ACSM1: variants seen among roughly 807,000 people sequenced by gnomAD.
The protein encoded by ACSM1 is acyl-coenzyme A synthetase ACSM1, mitochondrial.
ACSM1 carries 79 observed loss-of-function variants against 75.8 expected under a neutral mutation model. The observed-to-expected ratio is 1.04, with a 90% CI of 0.87 to 1.26. The LOEUF (loss-of-function observed/expected upper bound fraction) is 1.26. Ranked by LOEUF, ACSM1 falls within the 50% of genes most tolerant of loss-of-function variation. The pLI, the probability that ACSM1 is intolerant of heterozygous loss-of-function variation, is 0.00. For missense variants in ACSM1, 676 were observed against 720.1 expected (o/e 0.94, Z 0.70); for synonymous variants, 279 against 265.8 (o/e 1.05, Z -0.48).
intron 2 of ACSM1, among the ~76,000 whole-genome samples, chr16:20,685,832 C>A (rs7500012): frequency 0.51 from 35,818 of 69,886 alleles, 9,040 homozygotes; most frequent in Non-Finnish European, 0.62. Context: ...AAAAAAAAAA[C>A]AAACAAAAAA....
intron 7 of ACSM1, among the ~76,000 whole-genome samples, chr16:20,652,705 A>G (rs2018713856): frequency 6.6e-6 from 1 of 152,236 alleles, no homozygotes. Context: ...TAAATCAGGA[A>G]GAAGTTGAAT....
At position 20,624,180 on chromosome 16, in the gene ACSM1, G is replaced by A; in HGVS notation, c.1563C>T (p.Phe521=). Residue 521 remains phenylalanine, a synonymous_variant, in exon 13 of 14, where the codon TTC becomes TTT. Coordinates refer to ENST00000520010, the MANE Select transcript of ACSM1 (RefSeq NM_001318890.3). ...TCAGCTGATCCTTGTCATGGGACAG[G>A]AACTGTGGGGTCAGGACAATAAAGG... ...VKAFIVLTPQ[F]LSHDKDQLTK... is the part of the protein sequence containing the mutation. 5 of 1,612,998 alleles carry A rather than the reference G, an allele frequency of 3.1e-6. No homozygotes were observed. The highest frequency in any genetic ancestry group is 4.2e-6 in the Non-Finnish European group (5 of 1,179,228).
At chr16:20,628,903 G>A (rs546127646) in intron 10 of ACSM1, among the ~76,000 whole-genome samples, 5 of 152,104 alleles carry the variant, frequency 3.3e-5, no homozygotes, top group South Asian at 2.1e-4. Flanking sequence ...CTTCATGACC[G>A]ATTCACTTGA....
chr16:20,657,723 C>T (rs757769034), intron 7 of ACSM1, among the ~76,000 whole-genome samples: 17 of 151,988 alleles, frequency 1.1e-4, no homozygotes, highest in Admixed American at 2.6e-4. Flanking sequence ...CATCATTTAG[C>T]ATTAGGTATA....
intron 1 of ACSM1, among the ~76,000 whole-genome samples, chr16:20,693,132 T>TGCACTGAA (rs2079670684): frequency 6.7e-6 from 1 of 150,374 alleles, no homozygotes; most frequent in African/African-American, 2.5e-5. Context: ...ATCATGCCAC[T>TGCACTGAA]GCACTGAAGC....
chr16:20,695,855 C>A (rs2152346396), intron 1 of ACSM1, among the ~76,000 whole-genome samples: 1 of 152,122 alleles, frequency 6.6e-6, no homozygotes. Context: ...ACATTTATAC[C>A]TATATCACTA....
At chr16:20,651,909 G>T (rs991911085) in intron 7 of ACSM1, among the ~76,000 whole-genome samples, 1 of 152,056 alleles carries the variant, frequency 6.6e-6, no homozygotes. Flanking sequence ...ATGGTTTCAT[G>T]TTTATTCCCA....
At chr16:20,695,706 G>T in intron 1 of ACSM1, among the ~76,000 whole-genome samples, 1 of 137,178 alleles carries the variant, frequency 7.3e-6, no homozygotes. Context: ...TATCTATCTA[G>T]ATATATAAGA....
intron 10 of ACSM1, among the ~76,000 whole-genome samples, chr16:20,630,901 T>C (rs943077950): frequency 6.6e-6 from 1 of 152,206 alleles, no homozygotes; most frequent in Non-Finnish European, 1.5e-5. Flanking sequence ...TTTGCAAAAT[T>C]AAACAACATA....
At chr16:20,683,164 C>T (rs1244049234) in intron 3 of ACSM1, among the ~76,000 whole-genome samples, 1 of 151,980 alleles carries the variant, frequency 6.6e-6, no homozygotes, top group Admixed American at 6.6e-5. Context: ...GTCACCCAGG[C>T]TGGAGTGCAG....
chr16:20,682,503 T>G, intron 3 of ACSM1, 40 bp from the exon 4 acceptor site: 1 of 1,552,498 alleles, frequency 6.4e-7, no homozygotes. Flanking sequence ...GGTTTCTTTT[T>G]CACAACCATG....
At chr16:20,684,597 T>A (rs981301215) in intron 3 of ACSM1, among the ~76,000 whole-genome samples, 3 of 152,222 alleles carry the variant, frequency 2.0e-5, no homozygotes, top group African/African-American at 7.2e-5. Flanking sequence ...ACAACTTGCA[T>A]TCTTCAAAAA....
chr16:20,696,358 T>A (rs1420210619), intron 1 of ACSM1, among the ~76,000 whole-genome samples: 1 of 152,236 alleles, frequency 6.6e-6, no homozygotes, highest in Non-Finnish European at 1.5e-5. Context: ...TTCACAAAGC[T>A]TAGTTTGTCT....
At chr16:20,670,055 GT>G in intron 5 of ACSM1, 69 bp from the exon 6 acceptor site, 1 of 1,520,758 alleles carries the variant, frequency 6.6e-7, no homozygotes, top group Non-Finnish European at 9.0e-7. Context: ...GTGCACTCTG[GT>G]TTTTAGCTAC....
chr16:20,673,113 A>T (rs1292395598), intron 4 of ACSM1, among the ~76,000 whole-genome samples: 4 of 147,242 alleles, frequency 2.7e-5, no homozygotes, highest in African/African-American at 4.9e-5. Context: ...TTTGCATATT[A>T]TATATATATT....
In ACSM1 at chr16:20,638,089, T is replaced by C. The variant is rs1379702421; in HGVS notation, c.1117-638A>G. Among the ~76,000 whole-genome samples the C allele has an allele frequency of 3.3e-5, 5 of 152,214 alleles. No homozygotes were observed. The South Asian group carries it at 8.3e-4, about 25-fold the overall frequency. ...CCTGATGAACTTGATTCCTCCTTTA[T>C]TGTTCTCACAAATATATTTATTTCT... On this transcript the variant is annotated intron_variant, in intron 8 of 13. Transcript: ENST00000520010.
In ACSM1 at chr16:20,671,678, AG is replaced by A. The variant is rs753544986; in HGVS notation, c.612-8del. ...GTGTTCTGGGGATGCTGATCTGCAA[AG>A]GGGTTCAAGACAAAAGGAAAAAAGT... is the stretch of plus-strand genomic sequence containing the variant. On this transcript the variant is annotated splice_region_variant and splice_polypyrimidine_tract_variant and intron_variant, in intron 4 of 13. Coordinates refer to ENST00000520010, the MANE Select transcript of ACSM1 (RefSeq NM_001318890.3). 3 of 1,544,484 alleles carry A rather than the reference AG, an allele frequency of 1.9e-6. No individual in the cohort carries two copies. Among genetic ancestry groups the A allele is most frequent in the East Asian group, 2.3e-5 (1 of 43,006 alleles).
At chr16:20,658,095 T>C (rs1287678799) in intron 7 of ACSM1, among the ~76,000 whole-genome samples, 2 of 152,236 alleles carry the variant, frequency 1.3e-5, no homozygotes, top group East Asian at 1.9e-4. Flanking sequence ...TATAGCAGCA[T>C]GATTTACAAT....
chr16:20,628,848 A>G (rs1387019160), intron 10 of ACSM1, among the ~76,000 whole-genome samples: 1 of 152,150 alleles, frequency 6.6e-6, no homozygotes, highest in Non-Finnish European at 1.5e-5. Flanking sequence ...GCTCAGAGTC[A>G]CTCAGCTGCT....
Sources: allele counts gnomAD v4.1 joint callset (sites outside exome capture counted in the v4.1 genomes callset), GRCh38; gene constraint gnomAD v4.1.1; transcripts MANE v1.5; gene names NCBI Gene and HGNC (gene_info 2026-07-23, HGNC 2026-07-21).